AGO3: variants seen among roughly 807,000 people sequenced by gnomAD.
AGO3 encodes argonaute RISC catalytic component 3.
AGO3 carries 16 observed loss-of-function variants against 105.5 expected under a neutral mutation model. The observed-to-expected ratio is 0.15, with a 90% CI of 0.10 to 0.23. AGO3 has a LOEUF of 0.23. Ranked by LOEUF, AGO3 falls within the 10% of genes least tolerant of loss-of-function variation. The pLI is 1.00. For synonymous variants in AGO3, 340 were observed against 367.3 expected (o/e 0.93, Z 0.85); for missense variants, 534 against 1,088.0 (o/e 0.49, Z 7.16).
At position 36,003,723 on chromosome 1, in the gene AGO3, T is replaced by A. The variant is rs1308247658; in HGVS notation, c.659-618T>A. On this transcript the variant is annotated intron_variant, in intron 5 of 18. Transcript: ENST00000373191. Reference sequence around the variant, plus strand: ...AAAAAAAAAAAAATATATATATATATATATATATATATATATGTATATTTG... The same window carrying A: ...AAAAAAAAAAAAATATATATATATAAATATATATATATATATGTATATTTG... Among the ~76,000 whole-genome samples the A allele has an allele frequency of 1.5e-4, 21 of 138,024 alleles. No homozygotes were observed. In the South Asian group the frequency reaches 2.1e-3, roughly 14 times the overall value. The allele number at this position is 138,024 out of a possible 152,430, so 90.5% of individuals were successfully genotyped here. A position where few individuals can be genotyped will look rare whatever the true frequency, so the allele number is the denominator to read the frequency against.
chr1:36,042,574 A>G (rs1642294662), intron 16 of AGO3, among the ~76,000 whole-genome samples: 1 of 152,228 alleles, frequency 6.6e-6, no homozygotes. Flanking sequence ...TCACGTGGCA[A>G]AAATATTATC....
At chr1:35,988,193 A>G (rs146053229) in intron 5 of AGO3, among the ~76,000 whole-genome samples, 281 of 152,350 alleles carry the variant, frequency 1.8e-3, no homozygotes, top group African/African-American at 6.5e-3. Context: ...TAAAAGTTAC[A>G]TGTATTTGAG....
intron 11 of AGO3, among the ~76,000 whole-genome samples, chr1:36,023,713 G>T (rs1426979380): frequency 6.6e-6 from 1 of 152,064 alleles, no homozygotes; most frequent in African/African-American, 2.4e-5. Context: ...AAACCTTTAG[G>T]CCAAACTTTA....
At chr1:36,024,750 C>T (rs1318614255) in intron 11 of AGO3, among the ~76,000 whole-genome samples, 2 of 152,116 alleles carry the variant, frequency 1.3e-5, no homozygotes, top group Non-Finnish European at 2.9e-5. Flanking sequence ...ATGGCGTGAT[C>T]TCGGCTCACT....
intron 17 of AGO3, among the ~76,000 whole-genome samples, chr1:36,052,186 G>GGAT: frequency 1.3e-5 from 2 of 152,204 alleles, no homozygotes; most frequent in Admixed American, 1.3e-4. Flanking sequence ...ACAGATGAAT[G>GGAT]AAGAAAATAT....
chr1:36,030,451 A>G (rs1030804629), intron 12 of AGO3, among the ~76,000 whole-genome samples: 3 of 151,798 alleles, frequency 2.0e-5, no homozygotes, highest in Admixed American at 6.6e-5. Context: ...GCAGTGAGCC[A>G]AGATCATGCC....
intron 15 of AGO3, 112 bp from the exon 16 acceptor site, chr1:36,040,195 A>T: frequency 8.0e-7 from 1 of 1,244,996 alleles, no homozygotes; most frequent in Non-Finnish European, 1.1e-6. Flanking sequence ...GGAATCTATT[A>T]GCTATAGAGT....
At chr1:36,024,473 C>A (rs191767220) in intron 11 of AGO3, among the ~76,000 whole-genome samples, 2 of 152,140 alleles carry the variant, frequency 1.3e-5, no homozygotes, top group Non-Finnish European at 2.9e-5. Flanking sequence ...CCTTCTGGTT[C>A]TTTAGTTTAC....
In AGO3 at chr1:36,055,739, C is replaced by T. The variant is rs61743816; in HGVS notation, c.2577C>T (p.Phe859=). The change falls in exon 19 of 19, where the codon TTC becomes TTT. Residue 859 remains phenylalanine (F), a synonymous_variant. Transcript: ENST00000373191. The surrounding 1 kb of genome is among the most constrained non-coding windows in gnomAD (Gnocchi z 4.4). The stretch of plus-strand genomic sequence containing the variant: ...AAGATACCTTACGCACAATGTACTT[C>T]GCTTAAATAGTCCAAGTATATTCTC... ...IHQDTLRTMY[F]A 2,991 of 1,613,792 alleles carry T rather than the reference C, an allele frequency of 1.9e-3. 44 individuals are homozygous for T. In the African/African-American group the frequency reaches 0.027, roughly 15 times the overall value.
intron 17 of AGO3, among the ~76,000 whole-genome samples, chr1:36,049,508 C>A (rs1184107223): frequency 1.3e-5 from 2 of 150,102 alleles, no homozygotes; most frequent in East Asian, 3.9e-4. Context: ...CAGAGCAAGG[C>A]TCTATCTCAA....
rs913415256 is a variant in AGO3, at chr1:36,057,723, T to A, written c.*1978T>A. 3 of 152,208 alleles carry A rather than the reference T, an allele frequency of 2.0e-5. No individual in the cohort carries two copies. The highest frequency in any genetic ancestry group is 6.5e-5 in the Admixed American group (1 of 15,272). 9.4% of individuals were successfully genotyped at this position (152,208 alleles called of 1,614,324 possible). The stretch of plus-strand genomic sequence containing the variant: ...TGGACGCGGTGGCTCATGCCTGTAA[T>A]CCTAGCACTTTGGGAGGCTGAGACA... On this transcript the variant is annotated 3_prime_UTR_variant, in exon 19 of 19. Transcript: ENST00000373191.
chr1:36,023,383 C>T (rs1387685912), intron 11 of AGO3, among the ~76,000 whole-genome samples: 1 of 152,150 alleles, frequency 6.6e-6, no homozygotes, highest in Non-Finnish European at 1.5e-5. Flanking sequence ...AAAAGAAAAA[C>T]TAGACAAATT....
rs993347383 is a variant in AGO3, at chr1:36,071,966, T to C, written c.*16221T>C. On this transcript the variant is annotated 3_prime_UTR_variant, in exon 19 of 19. Transcript: ENST00000373191. ...CTTGGGGGCCAGGCCTTGGATTTGG[T>C]TGTCATTTAAACTCCTTGAAGATTA... is the stretch of plus-strand genomic sequence containing the variant. 1.3e-5 allele frequency: 2 copies of C among 152,242 alleles called. No homozygotes were observed. Among genetic ancestry groups the C allele is most frequent in the South Asian group, 2.1e-4 (1 of 4,830 alleles). The allele number at this position is 152,242 out of a possible 1,614,324, so 9.4% of individuals were successfully genotyped here. A position where few individuals can be genotyped will look rare whatever the true frequency, so the allele number is the denominator to read the frequency against.
At chr1:35,962,004 G>C (rs1646685370) in intron 2 of AGO3, among the ~76,000 whole-genome samples, 2 of 152,144 alleles carry the variant, frequency 1.3e-5, no homozygotes, top group Non-Finnish European at 2.9e-5. Context: ...TGTTGTAGTT[G>C]TTAGTAGCTT....
chr1:35,945,897 AT>A (rs770270625), intron 2 of AGO3, 34 bp downstream of exon 2: 6 of 1,577,834 alleles, frequency 3.8e-6, no homozygotes, highest in African/African-American at 1.4e-5. Context: ...ATCTTTTGCT[AT>A]TTTTTTCCTT....
At chr1:36,050,214 G>A (rs1030059466) in intron 17 of AGO3, among the ~76,000 whole-genome samples, 1 of 152,190 alleles carries the variant, frequency 6.6e-6, no homozygotes, top group Non-Finnish European at 1.5e-5. Context: ...GGTCAGGTGT[G>A]GTGGCTCATG....
intron 2 of AGO3, among the ~76,000 whole-genome samples, chr1:35,950,723 C>T (rs1046282561): frequency 6.6e-6 from 1 of 152,086 alleles, no homozygotes; most frequent in South Asian, 2.1e-4. Flanking sequence ...TTTTTAGAAA[C>T]ATTATGACCT....
At chr1:35,942,852 A>C (rs1646281404) in intron 1 of AGO3, among the ~76,000 whole-genome samples, 1 of 152,190 alleles carries the variant, frequency 6.6e-6, no homozygotes, top group Admixed American at 6.5e-5. Context: ...TCTATAACTG[A>C]AACTATATCC....
At position 36,065,205 on chromosome 1, in the gene AGO3, T is replaced by A. The variant is rs1404733149; in HGVS notation, c.*9460T>A. ...GCAAAATATTTTTGCTGTGATTGTA[T>A]GTCCCCTTTTAAGGATATTTATTGC... On this transcript the variant is annotated 3_prime_UTR_variant, in exon 19 of 19. Coordinates refer to ENST00000373191, the MANE Select transcript of AGO3 (RefSeq NM_024852.4). The A allele has an allele frequency of 6.6e-6, 1 of 152,056 alleles. No homozygotes were observed. Among genetic ancestry groups the A allele is most frequent in the Non-Finnish European group, 1.5e-5 (1 of 68,054 alleles). The allele number at this position is 152,056 out of a possible 1,614,324, so 9.4% of individuals were successfully genotyped here. A position where few individuals can be genotyped will look rare whatever the true frequency, so the allele number is the denominator to read the frequency against.
Sources: gnomAD v4.1 joint callset for allele counts (sites outside exome capture counted in the v4.1 genomes callset) on GRCh38, gnomAD v4.1.1 for gene constraint, Gnocchi (gnomAD v3.1) non-coding constraint, MANE v1.5 for transcripts, NCBI Gene and HGNC (gene_info 2026-07-23, HGNC 2026-07-21) for gene names.